Variants in GRB10 observed in about 807,000 individuals in gnomAD.
GRB10 encodes the protein growth factor receptor-bound protein 10.
In GRB10, 20 loss-of-function variants were observed where a neutral mutation model predicts 80.9. The ratio of observed to expected loss-of-function variants is 0.25; its 90% CI spans 0.17 to 0.36. GRB10 has a LOEUF of 0.36. GRB10 is among the 10% of genes least tolerant of loss of function. GRB10 has a pLI of 1.00. For missense variants in GRB10, 548 were observed against 747.7 expected (o/e 0.73, Z 3.12); for synonymous variants, 291 against 291.5 (o/e 1.00, Z 0.02).
intron 8 of GRB10, among the ~76,000 whole-genome samples, chr7:50,619,801 C>A (rs546167518): frequency 1.6e-4 from 24 of 152,096 alleles, no homozygotes; most frequent in Admixed American, 1.4e-3. Context: ...CAAGACTGTA[C>A]GTACATACTC....
chr7:50,673,300 C>T (rs571985783), intron 6 of GRB10, among the ~76,000 whole-genome samples: 2 of 152,294 alleles, frequency 1.3e-5, no homozygotes, highest in East Asian at 3.9e-4. Flanking sequence ...TCCCACGGAG[C>T]CCCACGCCAT....
chr7:50,715,321 C>G (rs1371246967), intron 4 of GRB10, among the ~76,000 whole-genome samples: 1 of 151,696 alleles, frequency 6.6e-6, no homozygotes, highest in Admixed American at 6.6e-5. Context: ...GTGATGCTCC[C>G]CAGAGGCTTT....
In GRB10 at chr7:50,592,374, G is replaced by A. The variant is rs2045934331; in HGVS notation, c.*578C>T. On this transcript the variant is annotated 3_prime_UTR_variant, in exon 19 of 19. Transcript: ENST00000401949. ...GGGAAGGGCTGGGTTTGTCATTTGG[G>A]AGCTGAATCCACACCGTGGTAGTCG... The A allele has an allele frequency of 6.5e-6, 1 of 154,572 alleles. No homozygotes were observed. Among genetic ancestry groups the A allele is most frequent in the Admixed American group, 6.3e-5 (1 of 15,782 alleles). 9.6% of individuals were successfully genotyped at this position (154,572 alleles called of 1,614,324 possible).
intron 7 of GRB10, among the ~76,000 whole-genome samples, chr7:50,659,735 G>T (rs1206909401): frequency 1.3e-5 from 2 of 152,224 alleles, no homozygotes; most frequent in Non-Finnish European, 1.5e-5. Context: ...GGACCATAAG[G>T]TTAGAACATC....
Position 50,703,928 on chromosome 7 carries a change from G to T in GRB10, c.52-20C>A. 1 of 1,579,850 alleles carries T rather than the reference G, an allele frequency of 6.3e-7. No individual in the cohort carries two copies. Among genetic ancestry groups the T allele is most frequent in the Non-Finnish European group, 8.7e-7 (1 of 1,149,806 alleles). ...CTTGTCCTAAAAAAACAGGACCGCA[G>T]CAGAAAGGCTGTGAGTTCACAAGAA... On this transcript the variant is annotated intron_variant, in intron 4 of 18. Transcript: ENST00000401949.
At chr7:50,641,107 C>T (rs2056146789) in intron 7 of GRB10, among the ~76,000 whole-genome samples, 1 of 152,000 alleles carries the variant, frequency 6.6e-6, no homozygotes, top group Non-Finnish European at 1.5e-5. Flanking sequence ...TGTCTTTCTT[C>T]CTCTCCTAAG....
At chr7:50,601,549 A>G (rs1164595475) in intron 17 of GRB10, among the ~76,000 whole-genome samples, 1 of 152,230 alleles carries the variant, frequency 6.6e-6, no homozygotes, top group African/African-American at 2.4e-5. Context: ...ATCGCAATTC[A>G]GGTGTCTTAC....
Position 50,641,976 on chromosome 7 carries a change from G to C in GRB10, c.505-14998C>G, listed in dbSNP as rs541484268. The stretch of plus-strand genomic sequence containing the variant: ...ACGAACTCACTGCTGCTCACCTGAG[G>C]AACACGGGGTGGGGAGAAGGTGAGG... On this transcript the variant is annotated intron_variant, in intron 7 of 18. Transcript: ENST00000401949. Among the ~76,000 whole-genome samples, 5 of 152,328 alleles carry C rather than the reference G, an allele frequency of 3.3e-5. No individual in the cohort carries two copies. The South Asian group carries it at 1.0e-3, about 32-fold the overall frequency.
intron 2 of GRB10, among the ~76,000 whole-genome samples, chr7:50,771,750 C>T (rs1562675570): frequency 1.3e-5 from 2 of 152,224 alleles, no homozygotes; most frequent in African/African-American, 4.8e-5. Context: ...CTCCCCACAG[C>T]TTCAGGGCAA....
chr7:50,768,274 C>A (rs760311761), intron 2 of GRB10, among the ~76,000 whole-genome samples: 5 of 152,134 alleles, frequency 3.3e-5, no homozygotes, highest in African/African-American at 1.2e-4. Flanking sequence ...TTAGAAAAAT[C>A]GATGCAGGAA....
intron 7 of GRB10, among the ~76,000 whole-genome samples, chr7:50,641,891 G>A (rs1198838308): frequency 2.0e-5 from 3 of 152,178 alleles, no homozygotes; most frequent in Non-Finnish European, 2.9e-5. Flanking sequence ...GACTGGCGCC[G>A]AGGAGGCAAG....
intron 3 of GRB10, among the ~76,000 whole-genome samples, chr7:50,748,799 G>T (rs952237640): frequency 1.3e-5 from 2 of 152,202 alleles, no homozygotes; most frequent in Admixed American, 6.5e-5. Flanking sequence ...CAAAGACTCT[G>T]AAGTAAAACA....
At chr7:50,776,996 T>C (rs2077724785) in intron 2 of GRB10, among the ~76,000 whole-genome samples, 1 of 151,940 alleles carries the variant, frequency 6.6e-6, no homozygotes, top group Admixed American at 6.6e-5. Flanking sequence ...CAATTCCACT[T>C]TTCTTTTAAG....
chr7:50,784,426 C>G (rs570253174), upstream of GRB10, among the ~76,000 whole-genome samples: 399 of 152,312 alleles, frequency 2.6e-3, 2 homozygotes, highest in Non-Finnish European at 4.3e-3. Flanking sequence ...GTTCCTCTGC[C>G]TCCCTGCCCA....
intron 3 of GRB10, 56 bp from the exon 4 acceptor site, chr7:50,732,424 T>C: frequency 9.8e-7 from 1 of 1,017,258 alleles, no homozygotes; most frequent in Non-Finnish European, 1.5e-6. Context: ...AAAAATCCAC[T>C]ACTTATGGCT....
upstream of GRB10, among the ~76,000 whole-genome samples, chr7:50,783,139 T>C (rs866035849): frequency 2.0e-5 from 3 of 152,168 alleles, no homozygotes; most frequent in African/African-American, 7.2e-5. Flanking sequence ...GCGGGGGACA[T>C]CGCGGCCGCG....
At chr7:50,679,126 C>G (rs1026169337) in intron 5 of GRB10, among the ~76,000 whole-genome samples, 10 of 152,256 alleles carry the variant, frequency 6.6e-5, no homozygotes, top group Non-Finnish European at 4.4e-5. Flanking sequence ...AGTTATTTTC[C>G]TTCTTTAAAT....
intron 4 of GRB10, among the ~76,000 whole-genome samples, chr7:50,723,111 A>G (rs1432639534): frequency 1.3e-5 from 2 of 152,246 alleles, no homozygotes; most frequent in Non-Finnish European, 2.9e-5. Flanking sequence ...TGAAGGGACA[A>G]GTAAAGCAAA....
intron 2 of GRB10, among the ~76,000 whole-genome samples, chr7:50,760,985 T>C (rs1235602553): frequency 6.6e-6 from 1 of 152,240 alleles, no homozygotes; most frequent in African/African-American, 2.4e-5. Flanking sequence ...GAGGGCTTTT[T>C]GAAGATCAAA....
Sources: allele counts gnomAD v4.1 joint callset (sites outside exome capture counted in the v4.1 genomes callset), GRCh38; gene constraint gnomAD v4.1.1; transcripts MANE v1.5; gene names NCBI Gene and HGNC (gene_info 2026-07-23, HGNC 2026-07-21).